IL1RAPL2: variants seen among roughly 807,000 people sequenced by gnomAD.
IL1RAPL2 encodes interleukin 1 receptor accessory protein like 2.
In IL1RAPL2, 3 loss-of-function variants were observed where a neutral mutation model predicts 44.1. The observed-to-expected ratio is 0.07, with a 90% CI of 0.03 to 0.18. IL1RAPL2 has a LOEUF of 0.18. Among genes scored for constraint, IL1RAPL2 ranks in the 10% least tolerant of loss-of-function variants. The pLI, the probability that IL1RAPL2 is intolerant of heterozygous loss-of-function variation, is 1.00. For synonymous variants in IL1RAPL2, 181 were observed against 178.8 expected (o/e 1.01, Z -0.10); for missense variants, 391 against 496.4 (o/e 0.79, Z 2.02).
intron 2 of IL1RAPL2, among the ~76,000 whole-genome samples, chrX:104,887,983 A>G (rs1011726707): frequency 5.2e-4 from 58 of 111,720 alleles, no homozygotes; most frequent in African/African-American, 1.9e-3. Context: ...AATAGCAAGT[A>G]TGCTTATCTA....
chrX:105,150,221 T>C (rs1387580939), intron 2 of IL1RAPL2, among the ~76,000 whole-genome samples: 1 of 111,684 alleles, frequency 9.0e-6, no homozygotes, highest in Non-Finnish European at 1.9e-5. Context: ...AGGACTTGAT[T>C]TTGGTTATTC....
intron 1 of IL1RAPL2, among the ~76,000 whole-genome samples, chrX:104,569,280 A>T (rs186621828): frequency 8.9e-6 from 1 of 112,113 alleles, no homozygotes; most frequent in Non-Finnish European, 1.9e-5. Context: ...CGGGGCTTCT[A>T]CCACTTTGAC....
At chrX:104,833,576 G>A (rs1602749095) in intron 2 of IL1RAPL2, among the ~76,000 whole-genome samples, 1 of 111,833 alleles carries the variant, frequency 8.9e-6, no homozygotes. Context: ...GTGTGCATAT[G>A]GTTCTACCAG....
intron 2 of IL1RAPL2, among the ~76,000 whole-genome samples, chrX:105,191,230 T>C (rs930611034): frequency 2.1e-4 from 24 of 112,791 alleles, no homozygotes; most frequent in African/African-American, 7.7e-4. Context: ...TGTTTGTTTG[T>C]TTTGAGACGG....
At chrX:105,647,184 C>T (rs905466416) in intron 6 of IL1RAPL2, among the ~76,000 whole-genome samples, 6 of 112,089 alleles carry the variant, frequency 5.4e-5, no homozygotes, top group Admixed American at 1.9e-4. Flanking sequence ...AGAAGCGTAG[C>T]GGACACCCTG....
intron 5 of IL1RAPL2, among the ~76,000 whole-genome samples, chrX:105,327,411 A>G (rs1416104668): frequency 8.9e-6 from 1 of 112,115 alleles, no homozygotes; most frequent in East Asian, 2.8e-4. Context: ...CTTGAAGTTC[A>G]GTCTTATAAT....
intron 1 of IL1RAPL2, among the ~76,000 whole-genome samples, chrX:104,602,145 T>C (rs1348890093): frequency 1.8e-5 from 2 of 111,299 alleles, no homozygotes; most frequent in Admixed American, 9.5e-5. Flanking sequence ...ATTCATCTCA[T>C]TGGGACTGGT....
At chrX:105,740,268 C>G (rs1203177195) in intron 7 of IL1RAPL2, among the ~76,000 whole-genome samples, 3 of 111,529 alleles carry the variant, frequency 2.7e-5, no homozygotes, top group African/African-American at 9.8e-5. Flanking sequence ...GCTAGCAAGA[C>G]TAATAAAGAA....
intron 2 of IL1RAPL2, among the ~76,000 whole-genome samples, chrX:105,019,406 G>T (rs2031243917): frequency 1.8e-5 from 2 of 111,324 alleles, no homozygotes; most frequent in African/African-American, 6.5e-5. Context: ...ACTGGAATGA[G>T]ATTACTAAGG....
intron 2 of IL1RAPL2, among the ~76,000 whole-genome samples, chrX:104,885,953 C>T (rs111860086): frequency 2.2e-4 from 25 of 112,777 alleles, no homozygotes; most frequent in South Asian, 1.8e-3. Flanking sequence ...CGAGGGTGCC[C>T]GGGCAAGCGC....
intron 6 of IL1RAPL2, among the ~76,000 whole-genome samples, chrX:105,702,189 T>C (rs2038124929): frequency 9.0e-6 from 1 of 111,570 alleles, no homozygotes; most frequent in Non-Finnish European, 1.9e-5. Context: ...CTGGGTGTAT[T>C]TGACTGCAGA....
chrX:104,692,822 T>C (rs1368453555), intron 2 of IL1RAPL2, among the ~76,000 whole-genome samples: 9 of 111,771 alleles, frequency 8.1e-5, no homozygotes, highest in Non-Finnish European at 1.1e-4. Flanking sequence ...CATGTGTCTT[T>C]ATAGCAGCAT....
At position 105,315,578 on chromosome X, in the gene IL1RAPL2, GTATATATATA is replaced by G. The variant is rs771525814; in HGVS notation, c.697+48051_697+48060del. Among the ~76,000 whole-genome samples the G allele has an allele frequency of 1.8e-3, 39 of 21,822 alleles. No homozygotes were observed. The South Asian group carries it at 0.041, about 23-fold the overall frequency. The allele number at this position is 21,822 out of a possible 115,157, so 18.9% of individuals were successfully genotyped here. ...CCCTAGAGGGACAGAACTAATGGAT[GTATATATATA>G]TATATATATATATGGTTTTATTAAG... is the stretch of plus-strand genomic sequence containing the variant. On this transcript the variant is annotated intron_variant, in intron 5 of 10. Transcript: ENST00000372582.
chrX:105,197,532 C>T (rs1290186494), intron 3 of IL1RAPL2, among the ~76,000 whole-genome samples: 1 of 111,605 alleles, frequency 9.0e-6, no homozygotes, highest in African/African-American at 3.3e-5. Flanking sequence ...TGTTACCTCC[C>T]CTCTTTTCCA....
intron 2 of IL1RAPL2, among the ~76,000 whole-genome samples, chrX:105,127,317 T>C (rs998476926): frequency 1.8e-5 from 2 of 111,411 alleles, no homozygotes; most frequent in African/African-American, 6.5e-5. Flanking sequence ...TATTGCCAGC[T>C]ACCTCCCCAA....
intron 2 of IL1RAPL2, among the ~76,000 whole-genome samples, chrX:104,801,539 C>T (rs1932885575): frequency 9.0e-6 from 1 of 111,343 alleles, no homozygotes; most frequent in Non-Finnish European, 1.9e-5. Context: ...TCATAGATGA[C>T]ATGAGTATTT....
chrX:104,866,826 G>T (rs906722262), intron 2 of IL1RAPL2, among the ~76,000 whole-genome samples: 2 of 111,467 alleles, frequency 1.8e-5, no homozygotes, highest in Non-Finnish European at 3.8e-5. Flanking sequence ...TTGAGCTAAT[G>T]ACAGATAATT....
At chrX:104,896,658 G>T (rs983921542) in intron 2 of IL1RAPL2, among the ~76,000 whole-genome samples, 4 of 111,830 alleles carry the variant, frequency 3.6e-5, no homozygotes, top group Non-Finnish European at 5.6e-5. Flanking sequence ...GGATGTGGGT[G>T]GGGCCAGATA....
intron 2 of IL1RAPL2, among the ~76,000 whole-genome samples, chrX:105,153,537 C>A (rs996517012): frequency 4.5e-5 from 5 of 111,912 alleles, no homozygotes; most frequent in Non-Finnish European, 9.4e-5. Context: ...AGTGAAGGAC[C>A]ATGGCCCATG....
Sources: allele counts gnomAD v4.1 joint callset (sites outside exome capture counted in the v4.1 genomes callset), GRCh38; gene constraint gnomAD v4.1.1; transcripts MANE v1.5; gene names NCBI Gene and HGNC (gene_info 2026-07-23, HGNC 2026-07-21).